The following ABLIM1 variants were observed in gnomAD, a reference collection of about 807,000 sequenced individuals.
ABLIM1 encodes the protein actin binding LIM protein 1.
Under a neutral mutation model 107.0 loss-of-function variants are expected in ABLIM1, and 40 were observed. The ratio of observed to expected loss-of-function variants is 0.37; its 90% CI spans 0.29 to 0.49. The LOEUF is 0.49. Among genes scored for constraint, ABLIM1 ranks in the 20% least tolerant of loss-of-function variants. The probability of loss-of-function intolerance (pLI) is 0.97; values close to 1 mark genes in which losing one functional copy is unlikely to be tolerated. For missense variants in ABLIM1, 857 were observed against 1,008.5 expected (o/e 0.85, Z 2.04); for synonymous variants, 357 against 357.3 (o/e 1.00, Z 0.01).
intron 1 of ABLIM1, among the ~76,000 whole-genome samples, chr10:114,626,931 AC>A (rs1425412508): frequency 2.0e-5 from 3 of 152,174 alleles, no homozygotes; most frequent in African/African-American, 7.2e-5. Context: ...ACCAAAGATT[AC>A]CAGCAAACCT....
At chr10:114,557,129 A>T (rs1299167784) in intron 4 of ABLIM1, among the ~76,000 whole-genome samples, 1 of 152,162 alleles carries the variant, frequency 6.6e-6, no homozygotes, top group Non-Finnish European at 1.5e-5. Context: ...TACATATTTT[A>T]CATCTCAGAT....
intron 8 of ABLIM1, among the ~76,000 whole-genome samples, 174 bp from the exon 9 acceptor site, chr10:114,474,130 C>T (rs552305577): frequency 8.5e-5 from 13 of 152,264 alleles, no homozygotes; most frequent in South Asian, 4.1e-4. Context: ...ACTAGTTGTA[C>T]GATCCAGTTT....
chr10:114,693,660 T>TC (rs2141746979), intron 1 of ABLIM1, among the ~76,000 whole-genome samples: 1 of 151,970 alleles, frequency 6.6e-6, no homozygotes, highest in African/African-American at 2.4e-5. Flanking sequence ...TTTTTTTTTT[T>TC]CTTTCAGAAA....
At chr10:114,581,737 G>A (rs549411358) in intron 2 of ABLIM1, among the ~76,000 whole-genome samples, 1 of 152,170 alleles carries the variant, frequency 6.6e-6, no homozygotes, top group Admixed American at 6.5e-5. Flanking sequence ...CTCTTCTCAG[G>A]GAAGAAGGAG....
intron 2 of ABLIM1, among the ~76,000 whole-genome samples, chr10:114,588,276 T>C (rs962402940): frequency 6.6e-6 from 1 of 152,032 alleles, no homozygotes; most frequent in Non-Finnish European, 1.5e-5. Flanking sequence ...CATCTCCCCA[T>C]AGCCAGTCAG....
intron 1 of ABLIM1, among the ~76,000 whole-genome samples, chr10:114,607,547 A>T (rs1374433043): frequency 2.0e-5 from 3 of 152,224 alleles, no homozygotes; most frequent in Non-Finnish European, 4.4e-5. Flanking sequence ...CAGCCACATG[A>T]GCAAGGTAAA....
At chr10:114,772,882 T>C (rs1030121186), upstream of ABLIM1, among the ~76,000 whole-genome samples, 2 of 152,072 alleles carry the variant, frequency 1.3e-5, no homozygotes, top group Non-Finnish European at 1.5e-5. Flanking sequence ...CTATCAAAAA[T>C]GACCAAGTAA....
At chr10:114,463,364 A>T (rs1290444654) in intron 12 of ABLIM1, among the ~76,000 whole-genome samples, 1 of 152,192 alleles carries the variant, frequency 6.6e-6, no homozygotes, top group Non-Finnish European at 1.5e-5. Context: ...GAGTTTGCAA[A>T]GAGGTTCAGG....
At chr10:114,566,954 CAGG>C (rs2070832834) in intron 4 of ABLIM1, among the ~76,000 whole-genome samples, 1 of 152,182 alleles carries the variant, frequency 6.6e-6, no homozygotes, top group South Asian at 2.1e-4. Context: ...CAGGCTGAGG[CAGG>C]AGAATTGCTT....
At chr10:114,463,273 G>A (rs976375738) in intron 12 of ABLIM1, 1 of 1,108,422 alleles carries the variant, frequency 9.0e-7, no homozygotes, top group Admixed American at 3.6e-5. Flanking sequence ...ACAAAATAAA[G>A]AACGTTAATC....
chr10:114,511,301 C>T (rs141416510), intron 6 of ABLIM1, among the ~76,000 whole-genome samples: 9 of 152,036 alleles, frequency 5.9e-5, no homozygotes, highest in East Asian at 5.8e-4. Flanking sequence ...GCTGAATCCA[C>T]GAGATTTTAT....
At chr10:114,553,561 C>A in intron 4 of ABLIM1, among the ~76,000 whole-genome samples, 1 of 152,236 alleles carries the variant, frequency 6.6e-6, no homozygotes, top group Non-Finnish European at 1.5e-5. Context: ...GCGAGCTCTT[C>A]ACACAGCAGG....
At chr10:114,446,546 C>A (rs1051575719) in intron 15 of ABLIM1, among the ~76,000 whole-genome samples, 1 of 152,118 alleles carries the variant, frequency 6.6e-6, no homozygotes, top group African/African-American at 2.4e-5. Flanking sequence ...CTAATCTAAT[C>A]AAAATAAACT....
At chr10:114,436,839 C>T (rs992591155) in intron 22 of ABLIM1, among the ~76,000 whole-genome samples, 2 of 151,974 alleles carry the variant, frequency 1.3e-5, no homozygotes, top group African/African-American at 2.4e-5. Flanking sequence ...ATCAGTCATT[C>T]CCCCCTAGAA....
chr10:114,760,428 A>G (rs1156998309), intron 1 of ABLIM1, among the ~76,000 whole-genome samples: 1 of 151,296 alleles, frequency 6.6e-6, no homozygotes, highest in African/African-American at 2.4e-5. Flanking sequence ...ACACACACAC[A>G]CACACACACA....
intron 8 of ABLIM1, among the ~76,000 whole-genome samples, chr10:114,476,366 G>A (rs2056404151): frequency 6.6e-6 from 1 of 152,192 alleles, no homozygotes; most frequent in Admixed American, 6.5e-5. Context: ...TGCAGGCTGG[G>A]CGCAGTGGCT....
rs534054693 is a variant in ABLIM1 at position 114,478,909 on chromosome 10, G to C, written c.1042-4953C>G. ...CTTGCTTGCTTATTTTCTTACAATGGCCCAATTCTGTTTACCTGTCTATAT... is the reference window on the plus strand; with the variant it reads ...CTTGCTTGCTTATTTTCTTACAATGCCCCAATTCTGTTTACCTGTCTATAT... On this transcript the variant is annotated intron_variant, in intron 8 of 22. Coordinates refer to ENST00000533213, the MANE Select transcript of ABLIM1 (RefSeq NM_002313.7). Among the ~76,000 whole-genome samples, 13 of 152,142 alleles carry C rather than the reference G, an allele frequency of 8.5e-5. No homozygotes were observed. In the East Asian group the frequency reaches 2.5e-3, roughly 29 times the overall value.
chr10:114,538,789 A>C (rs1300800223), intron 6 of ABLIM1, among the ~76,000 whole-genome samples: 1 of 152,152 alleles, frequency 6.6e-6, no homozygotes, highest in Admixed American at 6.5e-5. Flanking sequence ...GCAGTGTGGG[A>C]CGAGGGCCGA....
chr10:114,452,945 C>T (rs1242438672), intron 13 of ABLIM1, among the ~76,000 whole-genome samples: 1 of 152,172 alleles, frequency 6.6e-6, no homozygotes, highest in Non-Finnish European at 1.5e-5. Flanking sequence ...AAAGTCTCCA[C>T]ATTAGAGAAA....
Sources: gnomAD v4.1 joint callset for allele counts (sites outside exome capture counted in the v4.1 genomes callset) on GRCh38, gnomAD v4.1.1 for gene constraint, MANE v1.5 for transcripts, NCBI Gene and HGNC (gene_info 2026-07-23, HGNC 2026-07-21) for gene names.